FBXL2: variants seen among roughly 807,000 people sequenced by gnomAD.
The protein encoded by FBXL2 is F-box/LRR-repeat protein 2.
A neutral mutation model predicts 69.2 loss-of-function variants in FBXL2; 38 were observed. The ratio of observed to expected loss-of-function variants is 0.55; its 90% confidence interval spans 0.42 to 0.72. The LOEUF is 0.72. Ranked by LOEUF, FBXL2 falls within the 30% of genes least tolerant of loss-of-function variation. The pLI is 0.00. For missense variants in FBXL2, 354 were observed against 520.3 expected (o/e 0.68, Z 3.11); for synonymous variants, 192 against 201.3 (o/e 0.95, Z 0.39).
At chr3:33,367,634 T>G (rs1254531526) in intron 5 of FBXL2, among the ~76,000 whole-genome samples, 1 of 152,114 alleles carries the variant, frequency 6.6e-6, no homozygotes, top group Non-Finnish European at 1.5e-5. Context: ...GTCTATCAAT[T>G]TTATTGATAT....
chr3:33,281,899 G>A (rs1467342977), intron 1 of FBXL2, among the ~76,000 whole-genome samples: 7 of 151,990 alleles, frequency 4.6e-5, no homozygotes. Context: ...GTTGTTTGAT[G>A]TTTTTCTTGT....
chr3:33,403,648 ACTT>A (rs1342086310), exon 13 of FBXL2: 1 of 151,782 alleles, frequency 6.6e-6, no homozygotes, highest in Non-Finnish European at 1.5e-5. Context: ...GTTATGGTGA[ACTT>A]TAATATTTTT....
intron 2 of FBXL2, among the ~76,000 whole-genome samples, chr3:33,311,398 C>T (rs1214850197): frequency 5.9e-5 from 9 of 152,084 alleles, no homozygotes; most frequent in African/African-American, 1.9e-4. Flanking sequence ...TTGGGATCCA[C>T]CCTCCTATAA....
chr3:33,392,458 G>T, downstream of FBXL2: 3 of 967,488 alleles, frequency 3.1e-6, no homozygotes, highest in Non-Finnish European at 4.5e-6. Context: ...TTCTTAAAAT[G>T]AGTAAAGCAA....
chr3:33,399,987 T>A (rs1043352865), intron 12 of FBXL2, among the ~76,000 whole-genome samples: 1 of 152,246 alleles, frequency 6.6e-6, no homozygotes. Flanking sequence ...TGAACCAATG[T>A]CAACTGCCTG....
At chr3:33,385,422 A>G (rs1003014168) in intron 14 of FBXL2, 79 bp from the exon 15 acceptor site, 10 of 1,241,262 alleles carry the variant, frequency 8.1e-6, no homozygotes, top group Admixed American at 6.7e-5. Context: ...ATAGAGGACT[A>G]TAGGTTTTTC....
the FBXL2 span, among the ~76,000 whole-genome samples, chr3:33,417,968 T>C: frequency 6.6e-6 from 1 of 152,128 alleles, no homozygotes; most frequent in Admixed American, 6.5e-5. Context: ...AAAGAAAAGT[T>C]GCTTACATTC....
In FBXL2 at chr3:33,386,295, G is replaced by A. The variant is rs867077768; in HGVS notation, c.*687G>A. 4 of 152,914 alleles carry A rather than the reference G, an allele frequency of 2.6e-5. No homozygotes were observed. The highest frequency in any genetic ancestry group is 4.4e-5 in the Non-Finnish European group (3 of 68,350). 9.5% of individuals were successfully genotyped at this position (152,914 alleles called of 1,614,324 possible). Reference sequence around the variant, plus strand: ...ACAAAAGCAGCTCGGAGTCTGTGTTGCCTGATTGGAAAGTAGAAGCTCTGG... The same window carrying A: ...ACAAAAGCAGCTCGGAGTCTGTGTTACCTGATTGGAAAGTAGAAGCTCTGG... On this transcript the variant is annotated 3_prime_UTR_variant, in exon 15 of 15. Transcript: ENST00000484457.
intron 2 of FBXL2, among the ~76,000 whole-genome samples, chr3:33,319,178 TTCAGCACAA>T (rs2037978383): frequency 6.6e-6 from 1 of 152,196 alleles, no homozygotes; most frequent in Admixed American, 6.5e-5. Flanking sequence ...ACTGCAGTGG[TTCAGCACAA>T]ACTTCAAGTA....
intron 7 of FBXL2, 55 bp from the exon 8 acceptor site, chr3:33,373,523 C>A: frequency 6.2e-7 from 1 of 1,611,592 alleles, no homozygotes; most frequent in South Asian, 1.1e-5. Context: ...CAGAGTTGGT[C>A]ATTAACTCTC....
In FBXL2 at chr3:33,400,123, T is replaced by G. The variant is rs2044165566; in HGVS notation, n.1215-3111T>G. 6.3e-6 allele frequency: 7 copies of G among 1,103,246 alleles called. No individual in the cohort carries two copies. In the East Asian group the frequency reaches 1.8e-4, roughly 28 times the overall value. 68.3% of individuals were successfully genotyped at this position (1,103,246 alleles called of 1,614,324 possible). Reference sequence around the variant, plus strand: ...ATTTCAAAATTTTAAAAATATAAAGTTAATAAAAGCACAGAAACAAAAACA... The same window carrying G: ...ATTTCAAAATTTTAAAAATATAAAGGTAATAAAAGCACAGAAACAAAAACA... On this transcript the variant is annotated intron_variant and non_coding_transcript_variant, in intron 12 of 12. Transcript: ENST00000463736.
At chr3:33,319,091 A>T (rs140927854) in intron 2 of FBXL2, among the ~76,000 whole-genome samples, 2 of 152,222 alleles carry the variant, frequency 1.3e-5, no homozygotes, top group Non-Finnish European at 2.9e-5. Context: ...AAGACGTCAC[A>T]GTCCTGGGAT....
intron 2 of FBXL2, among the ~76,000 whole-genome samples, chr3:33,319,653 G>A (rs2038024886): frequency 2.0e-5 from 3 of 152,136 alleles, no homozygotes. Context: ...CATCTATACA[G>A]TTGATTATGT....
intron 12 of FBXL2, chr3:33,396,489 C>CT: frequency 3.9e-6 from 2 of 516,406 alleles, no homozygotes; most frequent in Non-Finnish European, 3.5e-6. Flanking sequence ...GATCCAGACT[C>CT]TAAACCATTG....
chr3:33,331,990 GA>G (rs1342035145), intron 2 of FBXL2, among the ~76,000 whole-genome samples: 6 of 152,044 alleles, frequency 3.9e-5, no homozygotes, highest in African/African-American at 1.2e-4. Context: ...GATAATATTT[GA>G]AACAATAGTG....
intron 5 of FBXL2, among the ~76,000 whole-genome samples, chr3:33,370,774 C>T (rs779087516): frequency 6.6e-6 from 1 of 152,242 alleles, no homozygotes; most frequent in Middle Eastern, 3.4e-3. Context: ...CACTACCACG[C>T]ATGGCTAATC....
At chr3:33,287,982 G>A (rs1205740923) in intron 1 of FBXL2, among the ~76,000 whole-genome samples, 1 of 152,092 alleles carries the variant, frequency 6.6e-6, no homozygotes, top group Admixed American at 6.5e-5. Flanking sequence ...CCAAAGCTCA[G>A]ATATGGACAG....
chr3:33,313,658 G>A (rs940983580), intron 2 of FBXL2, among the ~76,000 whole-genome samples: 1 of 149,576 alleles, frequency 6.7e-6, no homozygotes, highest in Non-Finnish European at 1.5e-5. Context: ...ATGTTGCCCA[G>A]GCTGGTCTCA....
chr3:33,403,580 G>GTCTATCTATCTATCTA (rs1422365561), exon 13 of FBXL2: 28 of 147,154 alleles, frequency 1.9e-4, no homozygotes, highest in African/African-American at 6.6e-4. Context: ...CTGTCTGTCT[G>GTCTATCTATCTATCTA]TCTGTCTATC....
Sources: gnomAD v4.1 joint callset for allele counts (sites outside exome capture counted in the v4.1 genomes callset) on GRCh38, gnomAD v4.1.1 for gene constraint, MANE v1.5 for transcripts, NCBI Gene and HGNC (gene_info 2026-07-23, HGNC 2026-07-21) for gene names.